Variants in CACNA2D1 observed in about 807,000 individuals in gnomAD.
CACNA2D1 encodes calcium voltage-gated channel auxiliary subunit alpha2delta 1.
A neutral mutation model predicts 171.5 loss-of-function variants in CACNA2D1; 53 were observed. The ratio of observed to expected loss-of-function variants is 0.31; its 90% CI spans 0.25 to 0.39. The LOEUF is 0.39. Ranked by LOEUF, CACNA2D1 falls within the 10% of genes least tolerant of loss-of-function variation. The probability of loss-of-function intolerance (pLI) is 1.00; values close to 1 mark genes in which losing one functional copy is unlikely to be tolerated. For synonymous variants in CACNA2D1, 442 were observed against 443.1 expected (o/e 1.00, Z 0.03); for missense variants, 903 against 1,299.8 (o/e 0.69, Z 4.69).
chr7:82,428,340 C>A (rs1413040703), intron 1 of CACNA2D1, among the ~76,000 whole-genome samples: 3 of 120,664 alleles, frequency 2.5e-5, no homozygotes, highest in Non-Finnish European at 5.5e-5. Flanking sequence ...CAGCTTCAGA[C>A]AAAAGCCATG....
chr7:82,390,364 G>A (rs752830292), intron 1 of CACNA2D1, among the ~76,000 whole-genome samples: 1 of 152,098 alleles, frequency 6.6e-6, no homozygotes, highest in Non-Finnish European at 1.5e-5. Flanking sequence ...GTATAATTAT[G>A]ATATGTCTAT....
rs552193893 is a variant in CACNA2D1, at chr7:82,218,111, T to G, written c.295-47502A>C. On this transcript the variant is annotated intron_variant, in intron 3 of 38. Transcript: ENST00000356860. Reference sequence around the variant, plus strand: ...CACCACGCCCGGCTAATCTTTTGTATTTTTAGTAGAGACGTGGTTTCACCG... The same window carrying G: ...CACCACGCCCGGCTAATCTTTTGTAGTTTTAGTAGAGACGTGGTTTCACCG... Among the ~76,000 whole-genome samples the G allele has an allele frequency of 1.5e-3, 225 of 151,916 alleles. 3 individuals carry two copies. Among genetic ancestry groups the G allele is most frequent in the African/African-American group, 5.2e-3 (216 of 41,414 alleles).
chr7:82,305,492 T>C (rs1813607034), intron 3 of CACNA2D1, among the ~76,000 whole-genome samples: 1 of 152,134 alleles, frequency 6.6e-6, no homozygotes, highest in Admixed American at 6.5e-5. Context: ...ATCTAGGAAA[T>C]TAACTCAACC....
intron 3 of CACNA2D1, among the ~76,000 whole-genome samples, chr7:82,325,032 GAAA>G (rs1488226714): frequency 1.3e-5 from 2 of 152,180 alleles, no homozygotes; most frequent in Non-Finnish European, 2.9e-5. Context: ...GCTGTCAGCA[GAAA>G]ACATGCACAT....
At position 81,949,525 on chromosome 7, in the gene CACNA2D1, T is replaced by A. The variant is rs2129915350; in HGVS notation, c.*867A>T. The A allele has an allele frequency of 1.3e-5, 2 of 152,296 alleles. No homozygotes were observed. Among genetic ancestry groups the A allele is most frequent in the East Asian group, 3.9e-4 (2 of 5,172 alleles). The allele number at this position is 152,296 out of a possible 1,614,324, so 9.4% of individuals were successfully genotyped here. A position where few individuals can be genotyped will look rare whatever the true frequency, so the allele number is the denominator to read the frequency against. ...TACCCTTGGTAAACCAAAGTTCATTTATCACAAGAAAAACATTTCCCCCTC... is the reference window on the plus strand; with the variant it reads ...TACCCTTGGTAAACCAAAGTTCATTAATCACAAGAAAAACATTTCCCCCTC... On this transcript the variant is annotated 3_prime_UTR_variant, in exon 39 of 39. Transcript: ENST00000356860.
chr7:82,259,637 A>C (rs1806818843), intron 3 of CACNA2D1, among the ~76,000 whole-genome samples: 1 of 152,200 alleles, frequency 6.6e-6, no homozygotes, highest in African/African-American at 2.4e-5. Context: ...GAACACAAAT[A>C]TTGGAAGGAT....
chr7:82,299,338 G>T (rs1812712423), intron 3 of CACNA2D1, among the ~76,000 whole-genome samples: 1 of 151,970 alleles, frequency 6.6e-6, no homozygotes, highest in Non-Finnish European at 1.5e-5. Flanking sequence ...TTCTCAGAAA[G>T]AACAGTGAAG....
chr7:82,040,420 G>A (rs1330608494), intron 10 of CACNA2D1, among the ~76,000 whole-genome samples: 1 of 120,482 alleles, frequency 8.3e-6, no homozygotes, highest in Non-Finnish European at 1.7e-5. Flanking sequence ...AAAGCATGAG[G>A]CTCAAAAGAA....
At chr7:82,096,239 T>C (rs918528123) in intron 6 of CACNA2D1, among the ~76,000 whole-genome samples, 1 of 152,118 alleles carries the variant, frequency 6.6e-6, no homozygotes, top group African/African-American at 2.4e-5. Context: ...AAAACTTCCT[T>C]AGACAACACA....
Position 82,058,525 on chromosome 7 carries a change from T to C in CACNA2D1, c.879+1903A>G, listed in dbSNP as rs78935661. On this transcript the variant is annotated intron_variant, in intron 10 of 38. Transcript: ENST00000356860. ...TTTCCTGATGATCTTATTTGAGAGA[T>C]CAAGTATTACATTCTACTTGTTTGC... 6.8e-3 allele frequency among the ~76,000 whole-genome samples: 1,036 copies of C among 152,276 alleles called. 6 individuals carry two copies. The highest frequency in any genetic ancestry group is 1.0e-2 in the Non-Finnish European group (680 of 68,014).
chr7:82,150,514 T>C (rs1793748718), intron 4 of CACNA2D1, among the ~76,000 whole-genome samples: 1 of 152,078 alleles, frequency 6.6e-6, no homozygotes, highest in African/African-American at 2.4e-5. Flanking sequence ...TCATTTTTTT[T>C]CTATCTTGAA....
At chr7:82,249,115 C>CAAA (rs780021068) in intron 3 of CACNA2D1, among the ~76,000 whole-genome samples, 1 of 113,756 alleles carries the variant, frequency 8.8e-6, no homozygotes, top group Non-Finnish European at 1.9e-5. Context: ...GACTCCATCT[C>CAAA]AAAAAAAAAA....
chr7:82,060,202 T>TATATATATA (rs1429808693), intron 10 of CACNA2D1, among the ~76,000 whole-genome samples: 1 of 9,862 alleles, frequency 1.0e-4, no homozygotes, highest in African/African-American at 1.4e-4. Context: ...ATATATATAT[T>TATATATATA]ATATATATAA....
At chr7:82,127,283 A>G (rs1213027131) in intron 5 of CACNA2D1, among the ~76,000 whole-genome samples, 2 of 152,222 alleles carry the variant, frequency 1.3e-5, no homozygotes, top group African/African-American at 4.8e-5. Flanking sequence ...TATCTTAAAC[A>G]TTAATTCAAA....
At chr7:82,287,997 A>ATTTTTTTTTTTTTTT (rs5885283) in intron 3 of CACNA2D1, among the ~76,000 whole-genome samples, 7 of 138,890 alleles carry the variant, frequency 5.0e-5, no homozygotes, top group African/African-American at 2.0e-4. Flanking sequence ...TGCCCGGCTA[A>ATTTTTTTTTTTTTTT]TTTTTTTTTT....
At chr7:82,082,134 T>G (rs1024974748) in intron 7 of CACNA2D1, among the ~76,000 whole-genome samples, 4 of 152,138 alleles carry the variant, frequency 2.6e-5, no homozygotes, top group Non-Finnish European at 4.4e-5. Flanking sequence ...CTTGCTCCAC[T>G]CTGGCCCACG....
intron 4 of CACNA2D1, among the ~76,000 whole-genome samples, chr7:82,153,856 C>G (rs1000655217): frequency 1.4e-5 from 2 of 147,944 alleles, no homozygotes; most frequent in African/African-American, 4.9e-5. Context: ...AAAAAAAAAA[C>G]ACCCATTGAA....
At position 81,949,718 on chromosome 7, in the gene CACNA2D1, A is replaced by G. The variant is rs758684529; in HGVS notation, c.*674T>C. 1 of 152,302 alleles carries G rather than the reference A, an allele frequency of 6.6e-6. No individual in the cohort carries two copies. The highest frequency in any genetic ancestry group is 1.5e-5 in the Non-Finnish European group (1 of 68,162). The allele number at this position is 152,302 out of a possible 1,614,324, so 9.4% of individuals were successfully genotyped here. ...TTCTCCCTCAAGCACCTTTAGTTTA[A>G]TAATTTCTTAGTTACTATTTTCAAA... is the stretch of plus-strand genomic sequence containing the variant. On this transcript the variant is annotated 3_prime_UTR_variant, in exon 39 of 39. Coordinates refer to ENST00000356860, the MANE Select transcript of CACNA2D1 (RefSeq NM_000722.4).
At chr7:82,043,144 T>C (rs911188257) in intron 10 of CACNA2D1, among the ~76,000 whole-genome samples, 1 of 152,184 alleles carries the variant, frequency 6.6e-6, no homozygotes. Flanking sequence ...GAAGTCAGTG[T>C]AAAATGTTAA....
Sources: gnomAD v4.1 joint callset for allele counts (sites outside exome capture counted in the v4.1 genomes callset) on GRCh38, gnomAD v4.1.1 for gene constraint, MANE v1.5 for transcripts, NCBI Gene and HGNC (gene_info 2026-07-23, HGNC 2026-07-21) for gene names.